Variants in RERE observed in about 807,000 individuals in gnomAD.
The protein encoded by RERE is arginine-glutamic acid dipeptide repeats protein.
RERE carries 40 observed loss-of-function variants against 146.1 expected under a neutral mutation model. That is an observed-to-expected ratio of 0.27 (90% CI 0.21 to 0.36). The LOEUF is 0.36. Ranked by LOEUF, RERE falls within the 10% of genes least tolerant of loss-of-function variation. RERE has a pLI of 1.00. For missense variants in RERE, 1,933 were observed against 2,138.7 expected (o/e 0.90, Z 1.90); for synonymous variants, 1,003 against 866.0 (o/e 1.16, Z -2.78).
chr1:8,503,970 G>T (rs140169035), intron 8 of RERE, among the ~76,000 whole-genome samples: 178 of 151,886 alleles, frequency 1.2e-3, no homozygotes, highest in African/African-American at 4.2e-3. Context: ...TGAGTCACGG[G>T]AAAAAAATAA....
intron 2 of RERE, among the ~76,000 whole-genome samples, chr1:8,626,968 C>T (rs1244892548): frequency 6.6e-6 from 1 of 152,176 alleles, no homozygotes; most frequent in Non-Finnish European, 1.5e-5. Context: ...AAACTTACTG[C>T]ATTCAATGGT....
chr1:8,374,933 C>A (rs1642181947), intron 12 of RERE, among the ~76,000 whole-genome samples: 1 of 152,164 alleles, frequency 6.6e-6, no homozygotes, highest in African/African-American at 2.4e-5. Context: ...GGACTCAATT[C>A]ATCACATTTG....
Position 8,364,320 on chromosome 1 carries a change from A to T in RERE, c.1541-65T>A. The T allele has an allele frequency of 2.1e-6, 3 of 1,459,732 alleles. No homozygotes were observed. The highest frequency in any genetic ancestry group is 2.9e-6 in the Non-Finnish European group (3 of 1,043,252). 90.4% of individuals were successfully genotyped at this position (1,459,732 alleles called of 1,614,324 possible). A position where few individuals can be genotyped will look rare whatever the true frequency, so the allele number is the denominator to read the frequency against. On this transcript the variant is annotated intron_variant, in intron 14 of 22. Transcript: ENST00000400908. This position sits in a 1 kb window ranked among gnomAD's most constrained non-coding sequence, Gnocchi z 5.1. ...TCCCTCTCCCTGGGGATGTCTGGGC[A>T]GAGGGGCCCTTCTGTGGGCTCTACC... is the stretch of plus-strand genomic sequence containing the variant.
intron 7 of RERE, among the ~76,000 whole-genome samples, chr1:8,529,287 C>CTTCTTTT (rs1382281413): frequency 2.0e-5 from 2 of 102,446 alleles, no homozygotes; most frequent in African/African-American, 7.7e-5. Context: ...GTTCTCCCTT[C>CTTCTTTT]TTTTTTTTTT....
intron 12 of RERE, among the ~76,000 whole-genome samples, chr1:8,372,927 G>A (rs1642097034): frequency 6.6e-6 from 1 of 152,238 alleles, no homozygotes; most frequent in Admixed American, 6.5e-5. Context: ...AAAAAGGAGG[G>A]GGCAGTCGGA....
chr1:8,683,240 T>C (rs1639013597), intron 1 of RERE, among the ~76,000 whole-genome samples: 1 of 152,134 alleles, frequency 6.6e-6, no homozygotes, highest in South Asian at 2.1e-4. Flanking sequence ...CTAGGAATCC[T>C]ACAAGTCTAT....
intron 4 of RERE, among the ~76,000 whole-genome samples, chr1:8,569,552 T>C (rs1646194416): frequency 6.6e-6 from 1 of 152,200 alleles, no homozygotes; most frequent in Non-Finnish European, 1.5e-5. Context: ...TAAAGATACA[T>C]GGCAGAGATT....
At chr1:8,744,521 G>A (rs987153190) in intron 1 of RERE, among the ~76,000 whole-genome samples, 4 of 152,200 alleles carry the variant, frequency 2.6e-5, no homozygotes, top group Non-Finnish European at 5.9e-5. Context: ...GTAACTGATG[G>A]GTACATTCTC....
rs777000880 is a variant in RERE, at chr1:8,361,008, C to A, written c.2499G>T (p.Ala833=). Residue 833 remains alanine (A), a synonymous_variant, in exon 18 of 23, where the codon GCG becomes GCT. Transcript: ENST00000400908. ...HPPLQPLTGS[A]GQPSAPSHAQ... ...CATGAGAGGGTGCAGAAGGCTGGCC[C>A]GCCGACCCAGTCAGAGGCTGCAGCG... The A allele has an allele frequency of 6.3e-6, 9 of 1,434,510 alleles. No individual in the cohort carries two copies. The African/African-American group carries it at 1.2e-4, about 18-fold the overall frequency. 88.9% of individuals were successfully genotyped at this position (1,434,510 alleles called of 1,614,324 possible). A position where few individuals can be genotyped will look rare whatever the true frequency, so the allele number is the denominator to read the frequency against.
chr1:8,556,506 A>C lies in RERE; in HGVS notation c.694T>G (p.Tyr232Asp). ...GCAGCAGCATGGTAAGTGTCAACGT[A>C]ATCAGAAATGAAGAGCTCTCGGTTC... is the stretch of plus-strand genomic sequence containing the variant. ...IKNRELFISDYVDTYHAAALR... is the reference protein window; with the variant it reads ...IKNRELFISDDVDTYHAAALR... Residue 232 changes from tyrosine (Y) to aspartate (D), a missense_variant, in exon 6 of 23, where the codon TAC becomes GAC. Transcript: ENST00000400908. 1 of 1,610,416 alleles carries C rather than the reference A, an allele frequency of 6.2e-7. No individual in the cohort carries two copies. Among genetic ancestry groups the C allele is most frequent in the Non-Finnish European group, 8.5e-7 (1 of 1,176,628 alleles).
At chr1:8,473,836 T>C (rs566406309) in intron 10 of RERE, among the ~76,000 whole-genome samples, 1 of 152,288 alleles carries the variant, frequency 6.6e-6, no homozygotes, top group Admixed American at 6.5e-5. Context: ...AAATGTAAAA[T>C]AGCTGTAAGC....
chr1:8,497,334 CAA>C (rs1377906157), intron 9 of RERE, 69 bp downstream of exon 9: 3 of 1,529,018 alleles, frequency 2.0e-6, no homozygotes, highest in Non-Finnish European at 2.7e-6. Context: ...AGGGGAAATG[CAA>C]AGTTTACTGC....
intron 1 of RERE, chr1:8,751,059 A>C (rs1640525242): frequency 1.7e-6 from 1 of 572,010 alleles, no homozygotes; most frequent in Non-Finnish European, 3.2e-6. Flanking sequence ...TGGCCCTTCA[A>C]ATTATCTTCT....
chr1:8,362,645 G>A lies in RERE; in HGVS notation c.1902+38C>T, dbSNP rs149520642. On this transcript the variant is annotated intron_variant, in intron 16 of 22. Transcript: ENST00000400908. Reference sequence around the variant, plus strand: ...AGCAAACCAGTTTTAATGTGAGGGAGGGACAGAGTAGGCCCTACTATCCCC... The same window carrying A: ...AGCAAACCAGTTTTAATGTGAGGGAAGGACAGAGTAGGCCCTACTATCCCC... The A allele has an allele frequency of 6.0e-4, 963 of 1,613,570 alleles. 5 individuals carry two copies. The African/African-American group carries it at 0.01, about 17-fold the overall frequency.
intron 11 of RERE, among the ~76,000 whole-genome samples, chr1:8,447,625 A>G (rs544591420): frequency 1.1e-4 from 16 of 152,340 alleles, no homozygotes; most frequent in Admixed American, 6.5e-4. Flanking sequence ...TCACCAGCAG[A>G]GGCTGCAGAA....
At chr1:8,666,539 T>C (rs1367801266) in intron 1 of RERE, among the ~76,000 whole-genome samples, 5 of 152,198 alleles carry the variant, frequency 3.3e-5, no homozygotes, top group Non-Finnish European at 5.9e-5. Flanking sequence ...TCCTGTTGCC[T>C]TTCATATCAA....
intron 1 of RERE, among the ~76,000 whole-genome samples, chr1:8,661,970 T>C (rs1638467402): frequency 6.6e-6 from 1 of 152,230 alleles, no homozygotes; most frequent in Non-Finnish European, 1.5e-5. Flanking sequence ...ACTTATGAGT[T>C]ACACATTTCC....
intron 1 of RERE, among the ~76,000 whole-genome samples, chr1:8,714,380 C>A (rs1569614518): frequency 6.6e-6 from 1 of 152,306 alleles, no homozygotes; most frequent in African/African-American, 2.4e-5. Context: ...GCTCTGGCGT[C>A]TTTCCTGAAA....
chr1:8,538,177 T>G (rs1379220744), intron 7 of RERE, among the ~76,000 whole-genome samples: 1 of 152,198 alleles, frequency 6.6e-6, no homozygotes, highest in Admixed American at 6.5e-5. Context: ...CCAGGACCAT[T>G]ACACAATCAG....
Sources: allele counts gnomAD v4.1 joint callset (sites outside exome capture counted in the v4.1 genomes callset), GRCh38; gene constraint gnomAD v4.1.1; non-coding constraint Gnocchi (gnomAD v3.1); transcripts MANE v1.5; gene names NCBI Gene and HGNC (gene_info 2026-07-23, HGNC 2026-07-21).